NAALADL2: variants seen among roughly 807,000 people sequenced by gnomAD.
The protein encoded by NAALADL2 is N-acetylated alpha-linked acidic dipeptidase like 2.
A neutral mutation model predicts 87.2 loss-of-function variants in NAALADL2; 76 were observed. That is an observed-to-expected ratio of 0.87 (90% confidence interval 0.72 to 1.05). The LOEUF is 1.05. Among genes scored for constraint, NAALADL2 ranks in the 50% least tolerant of loss-of-function variants. The pLI, the probability that NAALADL2 is intolerant of heterozygous loss-of-function variation, is 0.00. For missense variants in NAALADL2, 1,089 were observed against 945.8 expected (o/e 1.15, Z -1.99); for synonymous variants, 354 against 331.0 (o/e 1.07, Z -0.75).
At chr3:175,037,052 G>A (rs952994462) in intron 1 of NAALADL2, among the ~76,000 whole-genome samples, 1 of 151,950 alleles carries the variant, frequency 6.6e-6, no homozygotes, top group East Asian at 1.9e-4. Context: ...TACCCTGCTT[G>A]GGCCTCCTTT....
intron 1 of NAALADL2, among the ~76,000 whole-genome samples, chr3:175,091,531 G>A (rs1424189091): frequency 6.6e-6 from 1 of 152,030 alleles, no homozygotes; most frequent in East Asian, 1.9e-4. Flanking sequence ...GCCTTTATAT[G>A]TGTTCTTAAT....
chr3:174,866,850 ACT>A (rs1257029072), intron 1 of NAALADL2, among the ~76,000 whole-genome samples: 4 of 151,620 alleles, frequency 2.6e-5, no homozygotes, highest in African/African-American at 9.7e-5. Flanking sequence ...TTTATTCTTG[ACT>A]CTGATTTCTG....
At chr3:174,930,613 A>ATTTTTTTTTTTTTTTTTTTTTT (rs1188907600) in intron 1 of NAALADL2, among the ~76,000 whole-genome samples, 2 of 99,774 alleles carry the variant, frequency 2.0e-5, no homozygotes, top group South Asian at 3.7e-4. Context: ...AATAAGATGA[A>ATTTTTTTTTTTTTTTTTTTTTT]CTTTTTTTTT....
chr3:175,652,900 G>T (rs2149792242), intron 11 of NAALADL2, among the ~76,000 whole-genome samples: 1 of 152,158 alleles, frequency 6.6e-6, no homozygotes, highest in East Asian at 1.9e-4. Context: ...CATAACTTTT[G>T]ACTCTCCAAA....
chr3:175,587,912 A>C (rs897953655), intron 10 of NAALADL2, among the ~76,000 whole-genome samples: 1 of 152,090 alleles, frequency 6.6e-6, no homozygotes, highest in Non-Finnish European at 1.5e-5. Flanking sequence ...GATGTGATAC[A>C]CCTGGAGATG....
At chr3:175,459,952 T>C in intron 6 of NAALADL2, 2 of 308,628 alleles carry the variant, frequency 6.5e-6, no homozygotes, top group Non-Finnish European at 1.3e-5. Flanking sequence ...AATATTCTTT[T>C]TACATTTTTA....
intron 1 of NAALADL2, among the ~76,000 whole-genome samples, chr3:174,944,236 G>C (rs900089857): frequency 6.6e-6 from 1 of 152,122 alleles, no homozygotes; most frequent in South Asian, 2.1e-4. Flanking sequence ...AGGTGGTAGA[G>C]ACCCCGATTA....
intron 2 of NAALADL2, among the ~76,000 whole-genome samples, chr3:174,687,445 C>T (rs944951548): frequency 6.6e-6 from 1 of 151,820 alleles, no homozygotes; most frequent in African/African-American, 2.4e-5. Flanking sequence ...TGTGTTTTGG[C>T]CTATTGGATT....
At position 174,744,765 on chromosome 3, in the gene NAALADL2, A is replaced by G. The variant is rs145490964; in HGVS notation, c.-9+7019A>G. Among the ~76,000 whole-genome samples the G allele has an allele frequency of 3.0e-4, 46 of 152,330 alleles. No individual in the cohort carries two copies. The East Asian group carries it at 8.5e-3, about 28-fold the overall frequency. Reference sequence around the variant, plus strand: ...ATATAATCTCTCCGAACACAGTGCAATCAATTTAGAAGTCAAGATTAAGAA... The same window carrying G: ...ATATAATCTCTCCGAACACAGTGCAGTCAATTTAGAAGTCAAGATTAAGAA... On this transcript the variant is annotated intron_variant, in intron 3 of 3. Transcript: ENST00000434257.
chr3:175,107,676 T>C (rs1015234224), intron 2 of NAALADL2, among the ~76,000 whole-genome samples: 1 of 151,976 alleles, frequency 6.6e-6, no homozygotes, highest in African/African-American at 2.4e-5. Context: ...CCTTAGGGTT[T>C]AACTAATAAT....
chr3:175,656,108 TAAGTC>T (rs1253988797), intron 11 of NAALADL2, among the ~76,000 whole-genome samples: 9 of 152,158 alleles, frequency 5.9e-5, no homozygotes, highest in African/African-American at 2.2e-4. Context: ...ATGCCAAACT[TAAGTC>T]TAGTATACTA....
chr3:175,037,310 C>T (rs1469098759), intron 1 of NAALADL2, among the ~76,000 whole-genome samples: 1 of 152,152 alleles, frequency 6.6e-6, no homozygotes, highest in Non-Finnish European at 1.5e-5. Flanking sequence ...ACCAAGCACT[C>T]TGCTAGCCTA....
At chr3:175,382,120 A>G (rs371457247) in intron 5 of NAALADL2, among the ~76,000 whole-genome samples, 84 of 152,232 alleles carry the variant, frequency 5.5e-4, no homozygotes, top group African/African-American at 1.7e-3. Flanking sequence ...GTACTCTTGT[A>G]TTTTTTCACC....
At chr3:175,590,451 T>TA (rs1721267292) in intron 10 of NAALADL2, among the ~76,000 whole-genome samples, 1 of 151,264 alleles carries the variant, frequency 6.6e-6, no homozygotes, top group Non-Finnish European at 1.5e-5. Flanking sequence ...AGAAATAATA[T>TA]GGTATAGAGG....
At chr3:174,452,758 A>C (rs1217200651) in intron 1 of NAALADL2, among the ~76,000 whole-genome samples, 1 of 151,680 alleles carries the variant, frequency 6.6e-6, no homozygotes, top group Non-Finnish European at 1.5e-5. Flanking sequence ...AAATAGCATA[A>C]AAGAAAAAAA....
intron 1 of NAALADL2, among the ~76,000 whole-genome samples, chr3:174,991,341 C>G (rs574879244): frequency 2.0e-5 from 3 of 151,934 alleles, no homozygotes; most frequent in South Asian, 4.2e-4. Context: ...TCTTTAGAGG[C>G]ATTTTCTTTG....
At chr3:175,002,065 A>C (rs1455081609) in intron 1 of NAALADL2, among the ~76,000 whole-genome samples, 1 of 152,170 alleles carries the variant, frequency 6.6e-6, no homozygotes, top group African/African-American at 2.4e-5. Context: ...ACTAAGGGCA[A>C]GTTTCCCATG....
At chr3:175,628,567 T>C (rs1727313661) in intron 11 of NAALADL2, among the ~76,000 whole-genome samples, 1 of 148,844 alleles carries the variant, frequency 6.7e-6, no homozygotes, top group African/African-American at 2.4e-5. Flanking sequence ...GGATAGACTT[T>C]ATAGAGAATA....
intron 1 of NAALADL2, among the ~76,000 whole-genome samples, chr3:174,443,575 A>G (rs916752730): frequency 2.0e-5 from 3 of 152,228 alleles, no homozygotes; most frequent in Non-Finnish European, 4.4e-5. Context: ...AGACCAAGCT[A>G]ATGGCATACA....
Sources: allele counts gnomAD v4.1 joint callset (sites outside exome capture counted in the v4.1 genomes callset), GRCh38; gene constraint gnomAD v4.1.1; transcripts MANE v1.5; gene names NCBI Gene and HGNC (gene_info 2026-07-23, HGNC 2026-07-21).